The following PDHX variants were observed in gnomAD, a reference collection of about 807,000 sequenced individuals.
PDHX encodes pyruvate dehydrogenase protein X component, mitochondrial.
In PDHX, 33 loss-of-function variants were observed where a neutral mutation model predicts 55.3. The observed-to-expected ratio is 0.60, with a 90% confidence interval of 0.45 to 0.80. The LOEUF is 0.80. PDHX is among the 30% of genes least tolerant of loss of function. The pLI is 0.00. For missense variants in PDHX, 622 were observed against 619.9 expected (o/e 1.00, Z -0.04); for synonymous variants, 226 against 219.4 (o/e 1.03, Z -0.27).
intron 3 of PDHX, among the ~76,000 whole-genome samples, chr11:34,955,443 T>G (rs1263402227): frequency 6.6e-6 from 1 of 152,208 alleles, no homozygotes; most frequent in Non-Finnish European, 1.5e-5. Context: ...TTAATGACTT[T>G]AAATGGAATT....
chr11:34,946,079 GT>G (rs985285206), intron 2 of PDHX, among the ~76,000 whole-genome samples: 2 of 151,968 alleles, frequency 1.3e-5, no homozygotes, highest in African/African-American at 4.8e-5. Context: ...TTTTCGTTTT[GT>G]TTTGTTTTTT....
chr11:34,956,701 AG>A (rs199498066), intron 3 of PDHX, among the ~76,000 whole-genome samples: 7,172 of 152,222 alleles, frequency 0.047, 538 homozygotes, highest in African/African-American at 0.16. Context: ...TATCTGTGGA[AG>A]AAATGCTTTA....
intron 3 of PDHX, among the ~76,000 whole-genome samples, chr11:34,956,521 C>A (rs769649556): frequency 3.9e-5 from 6 of 152,066 alleles, no homozygotes; most frequent in Non-Finnish European, 8.8e-5. Context: ...CATTTTCTTC[C>A]AGGAGTGAAC....
At position 34,995,296 on chromosome 11, in the gene PDHX, G is replaced by A. The variant is rs1855838108; in HGVS notation, c.*124G>A. ...GTGGATGAAATGTTTATTTATTTAA[G>A]GTGAAAGCATTTGACCCAGGGTGTC... On this transcript the variant is annotated 3_prime_UTR_variant, in exon 11 of 11. Coordinates refer to ENST00000227868, the MANE Select transcript of PDHX (RefSeq NM_003477.3). The A allele has an allele frequency of 4.5e-6, 5 of 1,117,044 alleles. No homozygotes were observed. The highest frequency in any genetic ancestry group is 3.1e-5 in the African/African-American group (2 of 65,160). The allele number at this position is 1,117,044 out of a possible 1,614,324, so 69.2% of individuals were successfully genotyped here.
chr11:34,930,300 C>T (rs1178230044), intron 1 of PDHX, among the ~76,000 whole-genome samples: 1 of 152,200 alleles, frequency 6.6e-6, no homozygotes, highest in Non-Finnish European at 1.5e-5. Flanking sequence ...TTAAATACTT[C>T]AAAGAGGTGG....
intron 1 of PDHX, among the ~76,000 whole-genome samples, chr11:34,918,703 A>T (rs1853803666): frequency 6.6e-6 from 1 of 152,192 alleles, no homozygotes; most frequent in South Asian, 2.1e-4. Flanking sequence ...ACAAATTCAC[A>T]TCTCATAGTT....
intron 3 of PDHX, among the ~76,000 whole-genome samples, chr11:34,953,328 T>C (rs1039580213): frequency 1.3e-5 from 2 of 152,148 alleles, no homozygotes; most frequent in East Asian, 1.9e-4. Flanking sequence ...CTTCACAGAA[T>C]TGGAAAAAAC....
At chr11:34,923,775 CTAGGATAACAAG>C (rs1853953669) in intron 1 of PDHX, among the ~76,000 whole-genome samples, 1 of 152,058 alleles carries the variant, frequency 6.6e-6, no homozygotes, top group Admixed American at 6.6e-5. Context: ...TGGTCTAGGG[CTAGGATAACAAG>C]TGTTCAGTAG....
chr11:34,916,147 C>T (rs1853680075), upstream of PDHX: 1 of 1,538,956 alleles, frequency 6.5e-7, no homozygotes, highest in Non-Finnish European at 8.8e-7. Flanking sequence ...CGGCCCGCTA[C>T]CCTGCGCCCA....
chr11:34,973,809 T>C (rs1448220424), intron 7 of PDHX, among the ~76,000 whole-genome samples: 1 of 152,162 alleles, frequency 6.6e-6, no homozygotes, highest in African/African-American at 2.4e-5. Flanking sequence ...AGTTTTAAAA[T>C]GAGGGAAAAA....
chr11:34,968,247 G>T (rs1855177512), intron 6 of PDHX, among the ~76,000 whole-genome samples: 1 of 133,770 alleles, frequency 7.5e-6, no homozygotes. Context: ...GGTAATAGAG[G>T]AAGACCCTAT....
intron 7 of PDHX, among the ~76,000 whole-genome samples, chr11:34,971,930 G>T (rs2761822): frequency 2.0e-5 from 3 of 151,870 alleles, no homozygotes; most frequent in Non-Finnish European, 2.9e-5. Context: ...TTAAAAATGG[G>T]TGCAGCTTTT....
chr11:34,916,088 C>G (rs1853676131), upstream of PDHX: 3 of 1,126,184 alleles, frequency 2.7e-6, no homozygotes, highest in African/African-American at 1.6e-5. Flanking sequence ...CGCGGTGCGC[C>G]GGGGTAGCGA....
chr11:34,973,351 G>A (rs1855295734), intron 7 of PDHX, among the ~76,000 whole-genome samples: 1 of 152,002 alleles, frequency 6.6e-6, no homozygotes, highest in Admixed American at 6.6e-5. Context: ...GCGTGTAGTT[G>A]GTTCTTGCTA....
chr11:34,941,178 G>A (rs1012507934), intron 2 of PDHX, among the ~76,000 whole-genome samples: 10 of 152,144 alleles, frequency 6.6e-5, no homozygotes, highest in African/African-American at 2.4e-4. Context: ...ACCTCAACTG[G>A]CCTAGCAACC....
chr11:34,916,921 C>G (rs915215243), intron 1 of PDHX, 106 bp downstream of exon 1: 44 of 1,090,672 alleles, frequency 4.0e-5, no homozygotes, highest in Non-Finnish European at 5.5e-5. Flanking sequence ...GGTGCGCGGG[C>G]TCCTTATTCC....
At chr11:34,942,284 CAG>C (rs1254462286) in intron 2 of PDHX, among the ~76,000 whole-genome samples, 1 of 152,106 alleles carries the variant, frequency 6.6e-6, no homozygotes, top group Non-Finnish European at 1.5e-5. Context: ...GTAGACATGA[CAG>C]AATATGGAAT....
In PDHX at chr11:34,995,340, T is replaced by G. The variant is rs964001586; in HGVS notation, c.*168T>G. 2 of 674,164 alleles carry G rather than the reference T, an allele frequency of 3.0e-6. No homozygotes were observed. Among genetic ancestry groups the G allele is most frequent in the African/African-American group, 3.6e-5 (2 of 55,428 alleles). The allele number at this position is 674,164 out of a possible 1,614,324, so 41.8% of individuals were successfully genotyped here. ...GGGTGTCTTCATCTTCAATTTGGGTTTAATGTTATAGAAATAAATGATGAT... is the reference window on the plus strand; with the variant it reads ...GGGTGTCTTCATCTTCAATTTGGGTGTAATGTTATAGAAATAAATGATGAT... On this transcript the variant is annotated 3_prime_UTR_variant, in exon 11 of 11. Coordinates refer to ENST00000227868, the MANE Select transcript of PDHX (RefSeq NM_003477.3).
chr11:34,939,143 T>C (rs199983241), intron 2 of PDHX, among the ~76,000 whole-genome samples: 1 of 60,814 alleles, frequency 1.6e-5, no homozygotes, highest in African/African-American at 5.3e-5. Context: ...CTTGCTCCAT[T>C]CATTTTATAT....
Sources: allele counts gnomAD v4.1 joint callset (sites outside exome capture counted in the v4.1 genomes callset), GRCh38; gene constraint gnomAD v4.1.1; transcripts MANE v1.5; gene names NCBI Gene and HGNC (gene_info 2026-07-23, HGNC 2026-07-21).